AIFM3: variants seen among roughly 807,000 people sequenced by gnomAD.
AIFM3 encodes the protein apoptosis-inducing factor 3.
A neutral mutation model predicts 82.7 loss-of-function variants in AIFM3; 71 were observed. The ratio of observed to expected loss-of-function variants is 0.86; its 90% CI spans 0.71 to 1.05. The LOEUF (loss-of-function observed/expected upper bound fraction) is 1.05. Among genes scored for constraint, AIFM3 ranks in the 50% least tolerant of loss-of-function variants. The probability of loss-of-function intolerance (pLI) is 0.00; values close to 1 mark genes in which losing one functional copy is unlikely to be tolerated. For synonymous variants in AIFM3, 337 were observed against 329.1 expected, an observed-to-expected ratio of 1.02 and a Z score of -0.26; for missense variants, 748 against 816.7, an observed-to-expected ratio of 0.92 and a Z score of 1.03.
rs946783704 is a variant in AIFM3 at position 20,979,251 on chromosome 22, C to T, written c.1478-20C>T. ...TGGTAAGAGCGAGAGTTAGGGTTCT[C>T]ACGGCCCTGGGTCCCGCAGGGCGCG... On this transcript the variant is annotated intron_variant, in intron 16 of 20. Transcript: ENST00000440238. 7.7e-6 allele frequency: 12 copies of T among 1,551,706 alleles called. No individual in the cohort carries two copies. Among genetic ancestry groups the T allele is most frequent in the African/African-American group, 1.4e-5 (1 of 73,108 alleles).
intron 13 of AIFM3, 35 bp from the exon 14 acceptor site, chr22:20,976,997 C>T: frequency 6.2e-7 from 1 of 1,614,160 alleles, no homozygotes; most frequent in African/African-American, 1.3e-5. Flanking sequence ...AGCCTGGGAG[C>T]TGGGTCCACC....
At position 20,974,511 on chromosome 22, in the gene AIFM3, C is replaced by T. The variant is rs1923499335; in HGVS notation, c.511-14C>T. 1.9e-6 allele frequency: 3 copies of T among 1,607,174 alleles called. No individual in the cohort carries two copies. Among genetic ancestry groups the T allele is most frequent in the Non-Finnish European group, 1.7e-6 (2 of 1,177,362 alleles). Reference sequence around the variant, plus strand: ...GAGGATGGCAGTGACCCTCCACCCTCCTGGCACCCACAGGCCCTACAGCTG... The same window carrying T: ...GAGGATGGCAGTGACCCTCCACCCTTCTGGCACCCACAGGCCCTACAGCTG... On this transcript the variant is annotated splice_polypyrimidine_tract_variant and intron_variant, in intron 6 of 20. Coordinates refer to ENST00000440238, the MANE Select transcript of AIFM3 (RefSeq NM_001386814.1).
Position 20,974,309 on chromosome 22 carries a change from C to T in AIFM3, c.510+13C>T, listed in dbSNP as rs751671736. The T allele has an allele frequency of 6.2e-7, 1 of 1,612,782 alleles. No homozygotes were observed. Among genetic ancestry groups the T allele is most frequent in the Non-Finnish European group, 8.5e-7 (1 of 1,179,764 alleles). On this transcript the variant is annotated intron_variant, in intron 6 of 20. Transcript: ENST00000440238. Reference sequence around the variant, plus strand: ...GGCCAGCAAGCAGGTGAGGGGATAGCTCGGGGCTCAGGCAGAAGGGAGGAG... The same window carrying T: ...GGCCAGCAAGCAGGTGAGGGGATAGTTCGGGGCTCAGGCAGAAGGGAGGAG...
chr22:20,969,426 C>G (rs1383155625), intron 2 of AIFM3, among the ~76,000 whole-genome samples: 2 of 150,662 alleles, frequency 1.3e-5, no homozygotes, highest in Non-Finnish European at 2.9e-5. Flanking sequence ...ACACCAGAAG[C>G]ACTTGCGGAA....
At chr22:20,979,223 G>T (rs1379979003) in intron 16 of AIFM3, 48 bp from the exon 17 acceptor site, 1 of 1,539,850 alleles carries the variant, frequency 6.5e-7, no homozygotes, top group East Asian at 2.4e-5. Flanking sequence ...GGTAGTGTGG[G>T]AGTGGTAAGA....
At chr22:20,966,283 A>G (rs1922890697), upstream of AIFM3, among the ~76,000 whole-genome samples, 1 of 151,990 alleles carries the variant, frequency 6.6e-6, no homozygotes, top group African/African-American at 2.4e-5. Flanking sequence ...CCAGGAAGGG[A>G]CAGCCTAGTG....
At chr22:20,978,879 G>A (rs1923866162) in intron 16 of AIFM3, among the ~76,000 whole-genome samples, 1 of 152,000 alleles carries the variant, frequency 6.6e-6, no homozygotes, top group East Asian at 1.9e-4. Context: ...TCTCTTTGGG[G>A]CCTTGTGTGT....
chr22:20,977,416 G>A lies in AIFM3; in HGVS notation c.1283-284G>A, dbSNP rs1214581036. 6 of 601,926 alleles carry A rather than the reference G, an allele frequency of 1.0e-5. No homozygotes were observed. In the Admixed American group the frequency reaches 1.8e-4, roughly 18 times the overall value. The allele number at this position is 601,926 out of a possible 1,614,324, so 37.3% of individuals were successfully genotyped here. On this transcript the variant is annotated intron_variant, in intron 14 of 20. Coordinates refer to ENST00000440238, the MANE Select transcript of AIFM3 (RefSeq NM_001386814.1). The stretch of plus-strand genomic sequence containing the variant: ...GCCAATTTGGGTAGGGGCCAAGATG[G>A]GAGGTGGTAGCACCTGCAGGGGCTG...
chr22:20,979,369 G>T lies in AIFM3; in HGVS notation c.1576G>T (p.Gly526Cys), dbSNP rs748974196. The T allele has an allele frequency of 1.3e-6, 2 of 1,552,008 alleles. No homozygotes were observed. Among genetic ancestry groups the T allele is most frequent in the Non-Finnish European group, 1.7e-6 (2 of 1,147,834 alleles). The change falls in exon 17 of 21, where the codon GGC becomes TGC. Residue 526 changes from glycine (G) to cysteine (C), a missense_variant and splice_region_variant. Transcript: ENST00000440238. The stretch of plus-strand genomic sequence containing the variant: ...GTTTGGCAAGAGCCTGCGCTACGCG[G>T]GTAACCCCGGGGCCTCGGATGGGGG... The part of the protein sequence containing the change: ...AMFGKSLRYA[G>C]YGEGFDDVII...
At position 20,976,792 on chromosome 22, in the gene AIFM3, C is replaced by T. The variant is rs779417568; in HGVS notation, c.1146+26C>T. 2.5e-6 allele frequency: 4 copies of T among 1,605,578 alleles called. No homozygotes were observed. The East Asian group carries it at 8.9e-5, about 36-fold the overall frequency. ...GTGAGCCCACCCCAGCACCCAGTGC[C>T]TTGGAGCCCTGGGGCCCAGCCCGGC... On this transcript the variant is annotated intron_variant, in intron 12 of 20. Coordinates refer to ENST00000440238, the MANE Select transcript of AIFM3 (RefSeq NM_001386814.1).
chr22:20,966,050 A>G (rs540689496), upstream of AIFM3, among the ~76,000 whole-genome samples: 126 of 152,250 alleles, frequency 8.3e-4, no homozygotes, highest in Middle Eastern at 3.4e-3. Context: ...CCGATCTAGC[A>G]CACAGTAGGC....
chr22:20,981,047 A>T lies in AIFM3; in HGVS notation c.*16A>T. 6.2e-7 allele frequency: 1 copy of T among 1,614,098 alleles called. No homozygotes were observed. The highest frequency in any genetic ancestry group is 1.7e-5 in the Admixed American group (1 of 60,000). On this transcript the variant is annotated 3_prime_UTR_variant, in exon 21 of 21. Transcript: ENST00000440238. ...AGGATCCTGAGCTCACATGCAGTAG[A>T]CTTGGGCAGGCAAAGGGGGCACCAA...
rs566584544 is a variant in AIFM3 at position 20,968,050 on chromosome 22, C to T, written c.31+75C>T. ...TCCTCCCCCGTCTCCCCCCCCTCCC[C>T]CTCTGCACTCGGTAGGCCTCCGAAG... On this transcript the variant is annotated intron_variant, in intron 2 of 20. Coordinates refer to ENST00000440238, the MANE Select transcript of AIFM3 (RefSeq NM_001386814.1). 4 of 1,478,582 alleles carry T rather than the reference C, an allele frequency of 2.7e-6. No homozygotes were observed. In the African/African-American group the frequency reaches 4.1e-5, roughly 15 times the overall value. 91.6% of individuals were successfully genotyped at this position (1,478,582 alleles called of 1,614,324 possible).
Position 20,967,961 on chromosome 22 carries a change from C to T in AIFM3, c.17C>T (p.Ser6Phe), listed in dbSNP as rs1221477124. Reference protein sequence around the residue: MGGCFSKPKPVELKIE... With the variant: MGGCFFKPKPVELKIE... ...CCACTCGCCATGGGCGGCTGCTTCT[C>T]CAAACCCAAACCAGGTACCTCCTGT... Residue 6 changes from serine to phenylalanine, a missense_variant, in exon 2 of 21, where the codon TCC becomes TTC. Coordinates refer to ENST00000440238, the MANE Select transcript of AIFM3 (RefSeq NM_001386814.1). 6.2e-7 allele frequency: 1 copy of T among 1,614,130 alleles called. No homozygotes were observed. The highest frequency in any genetic ancestry group is 2.2e-5 in the East Asian group (1 of 44,876).
intron 3 of AIFM3, 77 bp downstream of exon 3, chr22:20,973,597 G>A (rs1174861375): frequency 1.3e-5 from 19 of 1,430,912 alleles, no homozygotes; most frequent in Admixed American, 6.0e-5. Flanking sequence ...GCCGGGGGTC[G>A]GGGTTGGCCT....
chr22:20,979,370 G>A lies in AIFM3; in HGVS notation c.1576+1G>A. On this transcript the variant is annotated splice_donor_variant, in intron 17 of 20. Transcript: ENST00000440238. LOFTEE classifies it high-confidence loss of function. The stretch of plus-strand genomic sequence containing the variant: ...TTTGGCAAGAGCCTGCGCTACGCGG[G>A]TAACCCCGGGGCCTCGGATGGGGGC... 1 of 1,464,042 alleles carries A rather than the reference G, an allele frequency of 6.8e-7. No individual in the cohort carries two copies. The allele number at this position is 1,464,042 out of a possible 1,614,324, so 90.7% of individuals were successfully genotyped here. A position where few individuals can be genotyped will look rare whatever the true frequency, so the allele number is the denominator to read the frequency against.
upstream of AIFM3, among the ~76,000 whole-genome samples, chr22:20,966,174 C>A (rs995702979): frequency 1.3e-5 from 2 of 152,206 alleles, no homozygotes; most frequent in African/African-American, 4.8e-5. Context: ...AGTGGCAAGA[C>A]CAGGTCTGAC....
Position 20,975,693 on chromosome 22 carries a change from C to G in AIFM3, c.722C>G (p.Ser241Cys). ...LPYDRPKLSK[S>C]LDTQPEQLAL... ...TCTCAAGCTGGCTCTCCCCTGCAGT[C>G]CCTGGACACACAGCCTGAGCAGCTG... Residue 241 changes from serine (S) to cysteine (C), a missense_variant and splice_region_variant, in exon 9 of 21, where the codon TCC becomes TGC. By Grantham distance (112) the Ser-to-Cys change is moderately radical (BLOSUM62 -1). Transcript: ENST00000440238. 1 of 1,613,706 alleles carries G rather than the reference C, an allele frequency of 6.2e-7. No individual in the cohort carries two copies. Among genetic ancestry groups the G allele is most frequent in the Non-Finnish European group, 8.5e-7 (1 of 1,180,004 alleles).
intron 2 of AIFM3, among the ~76,000 whole-genome samples, chr22:20,972,039 C>T (rs967410481): frequency 1.2e-4 from 18 of 151,926 alleles, no homozygotes; most frequent in African/African-American, 4.4e-4. Flanking sequence ...CCAGGGCACA[C>T]GAGGACACTG....
Sources: gnomAD v4.1 joint callset for allele counts (sites outside exome capture counted in the v4.1 genomes callset) on GRCh38, gnomAD v4.1.1 for gene constraint, MANE v1.5 for transcripts, NCBI Gene and HGNC (gene_info 2026-07-23, HGNC 2026-07-21) for gene names.